The following PEPD variants were observed in gnomAD, a reference collection of about 807,000 sequenced individuals.
PEPD encodes the protein xaa-Pro dipeptidase.
Under a neutral mutation model 60.7 loss-of-function variants are expected in PEPD, and 53 were observed. That is an observed-to-expected ratio of 0.87 (90% confidence interval 0.70 to 1.10). The LOEUF is 1.10. Ranked by LOEUF, PEPD falls within the 50% of genes least tolerant of loss-of-function variation. The probability of loss-of-function intolerance (pLI) is 0.00; values close to 1 mark genes in which losing one functional copy is unlikely to be tolerated. For missense variants in PEPD, 711 were observed against 711.9 expected (o/e 1.00, Z 0.01); for synonymous variants, 267 against 284.1 (o/e 0.94, Z 0.60).
At chr19:33,458,171 G>A (rs1438787075) in intron 9 of PEPD, among the ~76,000 whole-genome samples, 1 of 151,842 alleles carries the variant, frequency 6.6e-6, no homozygotes, top group Non-Finnish European at 1.5e-5. Flanking sequence ...TGTGGTGCAT[G>A]TGTGTGGTGT....
chr19:33,439,503 G>C (rs200255068), intron 9 of PEPD, among the ~76,000 whole-genome samples: 10 of 152,248 alleles, frequency 6.6e-5, no homozygotes, highest in Non-Finnish European at 1.2e-4. Flanking sequence ...CTGGCCTCTG[G>C]TGTGGGCTGG....
chr19:33,507,583 G>C (rs1970837720), intron 3 of PEPD, among the ~76,000 whole-genome samples: 1 of 152,158 alleles, frequency 6.6e-6, no homozygotes, highest in South Asian at 2.1e-4. Flanking sequence ...CTGCCAGATG[G>C]ATTTTCAAAA....
intron 1 of PEPD, among the ~76,000 whole-genome samples, chr19:33,520,660 C>T (rs1271777324): frequency 6.6e-6 from 1 of 152,178 alleles, no homozygotes; most frequent in Non-Finnish European, 1.5e-5. Context: ...CAACTTAGAA[C>T]CCACTTTCTG....
chr19:33,412,618 C>T (rs886550980), intron 10 of PEPD, among the ~76,000 whole-genome samples: 5 of 152,224 alleles, frequency 3.3e-5, no homozygotes, highest in African/African-American at 1.2e-4. Flanking sequence ...AAGGAAACCC[C>T]CACCTGGGTG....
intron 8 of PEPD, among the ~76,000 whole-genome samples, chr19:33,463,571 C>T (rs921253246): frequency 3.4e-4 from 51 of 152,022 alleles, no homozygotes; most frequent in African/African-American, 1.2e-3. Context: ...TCCAGTAAAG[C>T]GGGAAGGTTT....
rs149815153 is a variant in PEPD at position 33,519,622 on chromosome 19, C to T, written c.17+2122G>A. On this transcript the variant is annotated intron_variant, in intron 1 of 14. Transcript: ENST00000244137. ...CAAAGTACATGGGAAAGCCCCATACCAGACTGGGATGGCTCTTCCCAAGGA... is the reference window on the plus strand; with the variant it reads ...CAAAGTACATGGGAAAGCCCCATACTAGACTGGGATGGCTCTTCCCAAGGA... 3.3e-3 allele frequency among the ~76,000 whole-genome samples: 508 copies of T among 152,332 alleles called. 2 individuals are homozygous for T. Among genetic ancestry groups the T allele is most frequent in the Middle Eastern group, 6.8e-3 (2 of 294 alleles).
rs1018754008 is a variant in PEPD at position 33,441,131 on chromosome 19, G to A, written c.671+21864C>T. ...GGCCCCACCTATGGCATCTGGAAACGATGTCTGATCCTGAAGGGATGATGA... is the reference window on the plus strand; with the variant it reads ...GGCCCCACCTATGGCATCTGGAAACAATGTCTGATCCTGAAGGGATGATGA... On this transcript the variant is annotated intron_variant, in intron 9 of 14. Transcript: ENST00000244137. Among the ~76,000 whole-genome samples the A allele has an allele frequency of 3.3e-5, 5 of 152,196 alleles. No individual in the cohort carries two copies. In the East Asian group the frequency reaches 5.8e-4, roughly 18 times the overall value.
At chr19:33,417,090 A>T (rs969048470) in intron 9 of PEPD, among the ~76,000 whole-genome samples, 2 of 152,228 alleles carry the variant, frequency 1.3e-5, no homozygotes, top group Admixed American at 1.3e-4. Flanking sequence ...GTCCTATAAA[A>T]ATGCTGCAGC....
chr19:33,500,257 T>C (rs1418768094), intron 4 of PEPD, among the ~76,000 whole-genome samples: 1 of 152,208 alleles, frequency 6.6e-6, no homozygotes, highest in African/African-American at 2.4e-5. Flanking sequence ...TGCCAGGCAG[T>C]GGTTTAGTGT....
intron 3 of PEPD, among the ~76,000 whole-genome samples, chr19:33,501,267 C>A (rs1251389481): frequency 6.6e-6 from 1 of 152,198 alleles, no homozygotes; most frequent in Non-Finnish European, 1.5e-5. Context: ...CTGCAGCCAG[C>A]CCCTGCAGAC....
chr19:33,426,937 C>A (rs566279584), intron 9 of PEPD, among the ~76,000 whole-genome samples: 145 of 152,340 alleles, frequency 9.5e-4, no homozygotes, highest in African/African-American at 3.3e-3. Context: ...CCAGCCTGGA[C>A]AGGCCCTAGG....
chr19:33,387,780 A>T lies in PEPD; in HGVS notation c.1344+110T>A, dbSNP rs544776629. 1.5e-4 allele frequency: 147 copies of T among 961,338 alleles called. 2 individuals carry two copies. The South Asian group carries it at 1.9e-3, about 13-fold the overall frequency. 59.6% of individuals were successfully genotyped at this position (961,338 alleles called of 1,614,324 possible). ...CCACACGAAGGGGCAGGCTAAGCCC[A>T]CCTCAAGGGAAGATGTCACTAGGGC... On this transcript the variant is annotated intron_variant, in intron 14 of 14. Transcript: ENST00000244137.
At chr19:33,520,471 C>A (rs1971110289) in intron 1 of PEPD, among the ~76,000 whole-genome samples, 1 of 152,186 alleles carries the variant, frequency 6.6e-6, no homozygotes, top group African/African-American at 2.4e-5. Flanking sequence ...GAGTCCATGC[C>A]CCTCCTTTGC....
chr19:33,418,049 C>T (rs368004839), intron 9 of PEPD, among the ~76,000 whole-genome samples: 4 of 152,186 alleles, frequency 2.6e-5, no homozygotes, highest in Admixed American at 1.3e-4. Flanking sequence ...AGCTGCCCCT[C>T]GCCCTCACGG....
intron 11 of PEPD, among the ~76,000 whole-genome samples, chr19:33,410,416 G>A (rs1968737298): frequency 6.6e-6 from 1 of 152,230 alleles, no homozygotes. Flanking sequence ...TCAACGCTCG[G>A]CAGCTCTCTG....
At chr19:33,389,218 G>A (rs577356777) in intron 13 of PEPD, 2 of 152,442 alleles carry the variant, frequency 1.3e-5, no homozygotes, top group Admixed American at 6.5e-5. Flanking sequence ...CTGACCTGGA[G>A]AGAGCAGGCC....
intron 9 of PEPD, among the ~76,000 whole-genome samples, chr19:33,458,953 G>A (rs1235177088): frequency 1.5e-5 from 2 of 136,600 alleles, no homozygotes; most frequent in African/African-American, 5.5e-5. Flanking sequence ...ATCTGTACTC[G>A]AGGGGCGCTG....
intron 3 of PEPD, among the ~76,000 whole-genome samples, chr19:33,501,788 A>C (rs1177899205): frequency 6.6e-6 from 1 of 152,136 alleles, no homozygotes; most frequent in Admixed American, 6.5e-5. Context: ...CTGCAGCCTC[A>C]AACTCCTGGT....
intron 12 of PEPD, among the ~76,000 whole-genome samples, chr19:33,398,824 A>G (rs927967340): frequency 1.9e-4 from 29 of 151,884 alleles, no homozygotes; most frequent in Middle Eastern, 3.4e-3. Flanking sequence ...CCCTTCCTGC[A>G]CCTCCTTTAT....
Sources: allele counts gnomAD v4.1 joint callset (sites outside exome capture counted in the v4.1 genomes callset), GRCh38; gene constraint gnomAD v4.1.1; transcripts MANE v1.5; gene names NCBI Gene and HGNC (gene_info 2026-07-23, HGNC 2026-07-21).